The following XKR4 variants were observed in gnomAD, a reference collection of about 807,000 sequenced individuals.
The protein encoded by XKR4 is XK related 4, also known as XK-related protein 4.
A neutral mutation model predicts 53.9 loss-of-function variants in XKR4; 12 were observed. That is an observed-to-expected ratio of 0.22 (90% confidence interval 0.14 to 0.36). The LOEUF (loss-of-function observed/expected upper bound fraction) is 0.36. Ranked by LOEUF, XKR4 falls within the 10% of genes least tolerant of loss-of-function variation. The probability of loss-of-function intolerance (pLI) is 1.00; values close to 1 mark genes in which losing one functional copy is unlikely to be tolerated. For missense variants in XKR4, 799 were observed against 859.5 expected (o/e 0.93, Z 0.88); for synonymous variants, 354 against 362.4 (o/e 0.98, Z 0.26).
At chr8:55,429,478 G>A (rs1008448577) in intron 2 of XKR4, among the ~76,000 whole-genome samples, 1 of 152,122 alleles carries the variant, frequency 6.6e-6, no homozygotes, top group African/African-American at 2.4e-5. Context: ...GGGAGCCAAG[G>A]CAGGAGAATT....
intron 2 of XKR4, among the ~76,000 whole-genome samples, chr8:55,401,097 G>T (rs1235294433): frequency 6.6e-6 from 1 of 152,214 alleles, no homozygotes; most frequent in Admixed American, 6.5e-5. Flanking sequence ...TGGTATCTGG[G>T]TCAGTAACCG....
At chr8:55,129,784 G>A (rs1245316737) in intron 1 of XKR4, among the ~76,000 whole-genome samples, 2 of 152,162 alleles carry the variant, frequency 1.3e-5, no homozygotes, top group Non-Finnish European at 2.9e-5. Flanking sequence ...TGGTGGGAGA[G>A]GGAGAGGAAG....
chr8:55,148,477 C>T (rs1253085303), intron 1 of XKR4, among the ~76,000 whole-genome samples: 2 of 152,116 alleles, frequency 1.3e-5, no homozygotes, highest in African/African-American at 2.4e-5. Context: ...CAATCCCTAT[C>T]TCCTTGATGA....
intron 1 of XKR4, among the ~76,000 whole-genome samples, chr8:55,258,922 A>C (rs1420324937): frequency 1.3e-5 from 2 of 152,176 alleles, no homozygotes; most frequent in African/African-American, 4.8e-5. Flanking sequence ...ATCTTCTCAG[A>C]TTTAAGAATA....
intron 1 of XKR4, among the ~76,000 whole-genome samples, chr8:55,257,813 G>A (rs1818460687): frequency 6.6e-6 from 1 of 152,130 alleles, no homozygotes; most frequent in Non-Finnish European, 1.5e-5. Flanking sequence ...TTGCATTCCG[G>A]TGTTTTCTAT....
At chr8:55,241,125 A>C (rs1415706064) in intron 1 of XKR4, among the ~76,000 whole-genome samples, 5 of 152,230 alleles carry the variant, frequency 3.3e-5, no homozygotes, top group African/African-American at 1.2e-4. Flanking sequence ...GCTTAACCTC[A>C]GACATTTGAG....
intron 1 of XKR4, among the ~76,000 whole-genome samples, chr8:55,350,308 C>T (rs1803707661): frequency 6.6e-6 from 1 of 152,170 alleles, no homozygotes; most frequent in East Asian, 1.9e-4. Flanking sequence ...ACCCACCCGC[C>T]CCTACTTCCT....
intron 1 of XKR4, among the ~76,000 whole-genome samples, chr8:55,115,748 C>T (rs955083715): frequency 6.6e-6 from 1 of 151,960 alleles, no homozygotes. Flanking sequence ...TGCCACTGTA[C>T]TCCAGCCTGG....
Position 55,326,828 on chromosome 8 carries a change from C to A in XKR4, c.807-30850C>A, listed in dbSNP as rs371124743. 4.0e-5 allele frequency among the ~76,000 whole-genome samples: 6 copies of A among 151,672 alleles called. No homozygotes were observed. In the East Asian group the frequency reaches 1.2e-3, roughly 30 times the overall value. On this transcript the variant is annotated intron_variant, in intron 1 of 2. Coordinates refer to ENST00000327381, the MANE Select transcript of XKR4 (RefSeq NM_052898.2). ...GGATTTGAGTTATGAGCTTAGGCAG[C>A]AAGATTATATTTGAGTTTTTATGCC...
intron 2 of XKR4, among the ~76,000 whole-genome samples, chr8:55,359,794 T>C (rs1210505097): frequency 1.3e-5 from 2 of 151,086 alleles, no homozygotes; most frequent in Non-Finnish European, 2.9e-5. Flanking sequence ...ATACATAAAA[T>C]TGTACAGAAA....
At chr8:55,190,010 A>G (rs190973662) in intron 1 of XKR4, among the ~76,000 whole-genome samples, 6 of 152,360 alleles carry the variant, frequency 3.9e-5, no homozygotes, top group Admixed American at 3.3e-4. Context: ...TCACCAACTC[A>G]CTTGCCCGGA....
intron 1 of XKR4, among the ~76,000 whole-genome samples, chr8:55,212,843 G>A (rs1817748003): frequency 1.3e-5 from 2 of 152,022 alleles, no homozygotes; most frequent in African/African-American, 4.8e-5. Flanking sequence ...TGTTCATCCA[G>A]TTTTTGTAAC....
chr8:55,352,331 G>A (rs1397276627), intron 1 of XKR4, among the ~76,000 whole-genome samples: 2 of 152,228 alleles, frequency 1.3e-5, no homozygotes, highest in Non-Finnish European at 2.9e-5. Context: ...CATCTCCAAG[G>A]AGCAGGGAGT....
intron 2 of XKR4, among the ~76,000 whole-genome samples, chr8:55,382,482 A>G (rs922123094): frequency 6.6e-6 from 1 of 152,242 alleles, no homozygotes; most frequent in African/African-American, 2.4e-5. Context: ...GTTTATAGCA[A>G]TAAAGGTAAT....
chr8:55,497,415 G>A (rs1233055115), intron 2 of XKR4, among the ~76,000 whole-genome samples: 1 of 152,154 alleles, frequency 6.6e-6, no homozygotes, highest in Admixed American at 6.5e-5. Context: ...ATAAAGTTGG[G>A]AAAATAATAA....
At chr8:55,317,908 T>C (rs1803126330) in intron 1 of XKR4, among the ~76,000 whole-genome samples, 1 of 152,160 alleles carries the variant, frequency 6.6e-6, no homozygotes, top group Admixed American at 6.5e-5. Flanking sequence ...CTAAGTGTAG[T>C]TGGAGAATCC....
intron 2 of XKR4, among the ~76,000 whole-genome samples, chr8:55,427,669 A>C (rs1225942651): frequency 6.6e-6 from 1 of 152,274 alleles, no homozygotes; most frequent in Non-Finnish European, 1.5e-5. Context: ...ATTTAATTTT[A>C]GAAAGACTTG....
In XKR4 at chr8:55,243,134, A is replaced by G. The variant is rs183681294; in HGVS notation, c.807-114544A>G. ...CACATGCACAGCCTCCCCACTTATC[A>G]ACATCCTCCAGAGGAATACATTTGT... On this transcript the variant is annotated intron_variant, in intron 1 of 2. Transcript: ENST00000327381. Among the ~76,000 whole-genome samples the G allele has an allele frequency of 3.3e-4, 51 of 152,282 alleles. No individual in the cohort carries two copies. In the South Asian group the frequency reaches 7.9e-3, roughly 24 times the overall value.
At chr8:55,294,286 C>A (rs569189602) in intron 1 of XKR4, among the ~76,000 whole-genome samples, 85 of 152,314 alleles carry the variant, frequency 5.6e-4, no homozygotes, top group African/African-American at 1.9e-3. Flanking sequence ...TGAACAGGGA[C>A]AGGTATTCTT....
Sources: gnomAD v4.1 joint callset for allele counts (sites outside exome capture counted in the v4.1 genomes callset) on GRCh38, gnomAD v4.1.1 for gene constraint, MANE v1.5 for transcripts, NCBI Gene and HGNC (gene_info 2026-07-23, HGNC 2026-07-21) for gene names.